Variants in NDUFS4 observed in about 807,000 individuals in gnomAD.
NDUFS4 encodes NADH:ubiquinone oxidoreductase subunit S4.
In NDUFS4, 28 loss-of-function variants were observed where a neutral mutation model predicts 24.3. The observed-to-expected ratio is 1.15, with a 90% CI of 0.85 to 1.58. The LOEUF is 1.58. Among genes scored for constraint, NDUFS4 ranks in the 40% most tolerant of loss-of-function variants. The pLI, the probability that NDUFS4 is intolerant of heterozygous loss-of-function variation, is 0.00. For synonymous variants in NDUFS4, 93 were observed against 69.7 expected (o/e 1.34, Z -1.67); for missense variants, 223 against 207.9 (o/e 1.07, Z -0.45).
At chr5:53,664,393 G>C (rs192227435) in intron 4 of NDUFS4, among the ~76,000 whole-genome samples, 20 of 152,152 alleles carry the variant, frequency 1.3e-4, no homozygotes, top group Admixed American at 1.3e-3. Flanking sequence ...GCTAGATTGG[G>C]GAAGTTCTCC....
chr5:53,600,678 C>T (rs911082864), intron 1 of NDUFS4, among the ~76,000 whole-genome samples: 2 of 152,246 alleles, frequency 1.3e-5, no homozygotes, highest in African/African-American at 2.4e-5. Context: ...CTTAACTGTC[C>T]AGAATTGGAG....
intron 2 of NDUFS4, among the ~76,000 whole-genome samples, chr5:53,637,148 G>C (rs970150650): frequency 6.6e-6 from 1 of 152,168 alleles, no homozygotes; most frequent in Non-Finnish European, 1.5e-5. Context: ...AGAAGGCCAA[G>C]CCAAGGACTC....
intron 1 of NDUFS4, among the ~76,000 whole-genome samples, chr5:53,588,810 T>G (rs1049163673): frequency 1.3e-5 from 2 of 152,170 alleles, no homozygotes; most frequent in Non-Finnish European, 2.9e-5. Context: ...ATTGTCACCA[T>G]ATTTTATTTT....
At chr5:53,594,240 C>T (rs1352153430) in intron 1 of NDUFS4, among the ~76,000 whole-genome samples, 4 of 152,104 alleles carry the variant, frequency 2.6e-5, no homozygotes, top group East Asian at 1.9e-4. Context: ...TACACACTAA[C>T]GATTGTTACA....
chr5:53,575,080 G>A (rs1333433933), intron 1 of NDUFS4, among the ~76,000 whole-genome samples: 1 of 152,196 alleles, frequency 6.6e-6, no homozygotes, highest in African/African-American at 2.4e-5. Context: ...CATGGTGTAT[G>A]AGAGAAAAGA....
intron 3 of NDUFS4, among the ~76,000 whole-genome samples, chr5:53,658,184 A>G (rs1752218954): frequency 6.6e-6 from 1 of 152,158 alleles, no homozygotes; most frequent in African/African-American, 2.4e-5. Flanking sequence ...TTTCTTGAGT[A>G]ATGATAGGAC....
At chr5:53,629,444 C>T (rs1159660775) in intron 2 of NDUFS4, among the ~76,000 whole-genome samples, 1 of 152,116 alleles carries the variant, frequency 6.6e-6, no homozygotes, top group East Asian at 1.9e-4. Flanking sequence ...TGTTAATTTT[C>T]TGTCTCGTTG....
At chr5:53,585,891 G>A (rs762799365) in intron 1 of NDUFS4, among the ~76,000 whole-genome samples, 6 of 151,610 alleles carry the variant, frequency 4.0e-5, no homozygotes, top group Admixed American at 1.3e-4. Flanking sequence ...TTTTTCTTTT[G>A]TTTTGAAACT....
chr5:53,627,488 C>T (rs996553532), intron 2 of NDUFS4, among the ~76,000 whole-genome samples: 4 of 152,250 alleles, frequency 2.6e-5, no homozygotes, highest in Admixed American at 1.3e-4. Context: ...TTTATTTTCA[C>T]GATATTGATT....
intron 3 of NDUFS4, among the ~76,000 whole-genome samples, chr5:53,657,303 A>C (rs1752192395): frequency 6.6e-6 from 1 of 152,164 alleles, no homozygotes; most frequent in African/African-American, 2.4e-5. Flanking sequence ...TAATATAGCC[A>C]GCCATATGAA....
At chr5:53,560,892 G>A in intron 1 of NDUFS4, 132 bp downstream of exon 1, 1 of 1,537,022 alleles carries the variant, frequency 6.5e-7, no homozygotes, top group Non-Finnish European at 8.7e-7. Context: ...GAGAAGTCGG[G>A]CGGACTAGGG....
At chr5:53,661,783 A>G (rs1752350863) in intron 4 of NDUFS4, among the ~76,000 whole-genome samples, 1 of 86,938 alleles carries the variant, frequency 1.2e-5, no homozygotes, top group Non-Finnish European at 2.3e-5. Flanking sequence ...ATGGGAGTTC[A>G]CTCATGATTT....
intron 3 of NDUFS4, among the ~76,000 whole-genome samples, chr5:53,646,965 C>T (rs1388595636): frequency 6.6e-6 from 1 of 151,802 alleles, no homozygotes; most frequent in East Asian, 1.9e-4. Context: ...AACTTGTCCC[C>T]CCTCAGATAA....
chr5:53,583,557 A>G (rs1012997687), intron 1 of NDUFS4, among the ~76,000 whole-genome samples: 2 of 152,226 alleles, frequency 1.3e-5, no homozygotes, highest in African/African-American at 4.8e-5. Context: ...CTTTGGAAAT[A>G]GAAGATTATA....
At chr5:53,581,928 AG>A (rs1351089106) in intron 1 of NDUFS4, among the ~76,000 whole-genome samples, 2 of 152,192 alleles carry the variant, frequency 1.3e-5, no homozygotes, top group Non-Finnish European at 2.9e-5. Flanking sequence ...AATGTGAGCT[AG>A]GGCTGGGCGT....
intron 4 of NDUFS4, among the ~76,000 whole-genome samples, chr5:53,678,182 A>G (rs1372508353): frequency 1.3e-5 from 2 of 152,120 alleles, no homozygotes; most frequent in African/African-American, 4.8e-5. Context: ...GGAGATCTAC[A>G]AAATAAACTG....
intron 2 of NDUFS4, among the ~76,000 whole-genome samples, chr5:53,608,787 C>T (rs1750608318): frequency 6.6e-6 from 1 of 152,080 alleles, no homozygotes; most frequent in African/African-American, 2.4e-5. Flanking sequence ...TTTTGTTTTC[C>T]CATATTGAAT....
chr5:53,621,528 A>G (rs1379165266), intron 2 of NDUFS4, among the ~76,000 whole-genome samples: 1 of 152,152 alleles, frequency 6.6e-6, no homozygotes, highest in Non-Finnish European at 1.5e-5. Flanking sequence ...TAGGGATTAC[A>G]ATATGCATCC....
chr5:53,655,320 AG>A (rs1357167786), intron 3 of NDUFS4, among the ~76,000 whole-genome samples: 5 of 151,292 alleles, frequency 3.3e-5, no homozygotes, highest in Admixed American at 3.3e-4. Flanking sequence ...AGCCTTCCAG[AG>A]GTAACCACCG....
Sources: gnomAD v4.1 joint callset for allele counts (sites outside exome capture counted in the v4.1 genomes callset) on GRCh38, gnomAD v4.1.1 for gene constraint, MANE v1.5 for transcripts, NCBI Gene and HGNC (gene_info 2026-07-23, HGNC 2026-07-21) for gene names.